The following ARHGAP24 variants were observed in gnomAD, a reference collection of about 807,000 sequenced individuals.
ARHGAP24 encodes Rho GTPase activating protein 24.
ARHGAP24 carries 50 observed loss-of-function variants against 76.4 expected under a neutral mutation model. The observed-to-expected ratio is 0.65, with a 90% CI of 0.52 to 0.83. The LOEUF is 0.83. ARHGAP24 is among the 40% of genes least tolerant of loss of function. The pLI, the probability that ARHGAP24 is intolerant of heterozygous loss-of-function variation, is 0.00. For missense variants in ARHGAP24, 930 were observed against 914.2 expected (o/e 1.02, Z -0.22); for synonymous variants, 345 against 323.3 (o/e 1.07, Z -0.72).
At chr4:85,879,888 G>A (rs994322625) in intron 3 of ARHGAP24, among the ~76,000 whole-genome samples, 5 of 151,982 alleles carry the variant, frequency 3.3e-5, no homozygotes, top group South Asian at 2.1e-4. Context: ...AACGGCTTCC[G>A]AGGCATTAGA....
chr4:85,857,588 G>C (rs1249014505), intron 3 of ARHGAP24, among the ~76,000 whole-genome samples: 1 of 152,020 alleles, frequency 6.6e-6, no homozygotes, highest in Non-Finnish European at 1.5e-5. Context: ...AGTTTTGGTG[G>C]TAGGGAAATT....
intron 2 of ARHGAP24, among the ~76,000 whole-genome samples, chr4:85,627,954 G>A (rs765938333): frequency 3.3e-5 from 5 of 152,238 alleles, no homozygotes; most frequent in Admixed American, 6.5e-5. Context: ...GGAGTGACCC[G>A]ATTTTCCAGG....
intron 3 of ARHGAP24, among the ~76,000 whole-genome samples, chr4:85,798,108 T>C (rs2110101702): frequency 6.6e-6 from 1 of 152,340 alleles, no homozygotes; most frequent in South Asian, 2.1e-4. Context: ...ACCTAGAATT[T>C]CTGTTAAAAC....
intron 2 of ARHGAP24, among the ~76,000 whole-genome samples, chr4:85,679,304 T>A (rs1034263231): frequency 1.3e-5 from 2 of 152,186 alleles, no homozygotes; most frequent in Non-Finnish European, 2.9e-5. Flanking sequence ...AAAGCTTGTT[T>A]GCATCTTTTG....
At chr4:85,583,826 A>C (rs1727719353) in intron 2 of ARHGAP24, among the ~76,000 whole-genome samples, 1 of 150,882 alleles carries the variant, frequency 6.6e-6, no homozygotes. Context: ...ATGCAGCCAA[A>C]AAACACATGA....
chr4:85,838,326 G>T (rs67579023), intron 3 of ARHGAP24, among the ~76,000 whole-genome samples: 1 of 152,054 alleles, frequency 6.6e-6, no homozygotes, highest in African/African-American at 2.4e-5. Flanking sequence ...AGCCGGGCAC[G>T]GTGGCTCACG....
At chr4:85,649,844 G>A (rs1416044835) in intron 2 of ARHGAP24, among the ~76,000 whole-genome samples, 1 of 152,064 alleles carries the variant, frequency 6.6e-6, no homozygotes, top group Non-Finnish European at 1.5e-5. Context: ...ATTTAATAAT[G>A]ATCTTGTATT....
chr4:85,623,401 A>C (rs898729711), intron 2 of ARHGAP24, among the ~76,000 whole-genome samples: 1 of 152,164 alleles, frequency 6.6e-6, no homozygotes, highest in Admixed American at 6.5e-5. Context: ...AAGATCAGAT[A>C]GTGGTAGATA....
rs115760849 is a variant in ARHGAP24 at position 85,786,225 on chromosome 4, C to G, written c.268+64253C>G. ...ATAGCAACTCTAGAATGTGTTTCCT[C>G]ATTAAGAACCTGCAGCCATACTGGC... On this transcript the variant is annotated intron_variant, in intron 3 of 9. Transcript: ENST00000395184. Among the ~76,000 whole-genome samples the G allele has an allele frequency of 8.2e-3, 1,243 of 152,304 alleles. 15 individuals are homozygous for G. Among genetic ancestry groups the G allele is most frequent in the African/African-American group, 0.027 (1,139 of 41,548 alleles).
chr4:85,954,159 A>G (rs1189233589), intron 5 of ARHGAP24, among the ~76,000 whole-genome samples: 1 of 152,244 alleles, frequency 6.6e-6, no homozygotes, highest in Non-Finnish European at 1.5e-5. Flanking sequence ...TGTTTAGGGC[A>G]GAAAAATCCA....
intron 2 of ARHGAP24, among the ~76,000 whole-genome samples, chr4:85,708,715 A>G (rs1180279341): frequency 1.3e-5 from 2 of 151,394 alleles, no homozygotes; most frequent in African/African-American, 4.9e-5. Context: ...CTTCCTGACA[A>G]CCCCACCAAG....
At chr4:85,515,369 ATC>A (rs1724455415) in intron 1 of ARHGAP24, among the ~76,000 whole-genome samples, 1 of 51,128 alleles carries the variant, frequency 2.0e-5, no homozygotes, top group Non-Finnish European at 3.8e-5. Flanking sequence ...TATGCAGGTA[ATC>A]TTTTTTTTTT....
intron 1 of ARHGAP24, among the ~76,000 whole-genome samples, chr4:85,556,063 G>A (rs1726348723): frequency 6.6e-6 from 1 of 152,102 alleles, no homozygotes; most frequent in South Asian, 2.1e-4. Context: ...CAGAGCAACT[G>A]CTACTGGGAA....
chr4:85,780,414 C>T (rs1364397036), intron 3 of ARHGAP24, among the ~76,000 whole-genome samples: 4 of 152,116 alleles, frequency 2.6e-5, no homozygotes, highest in African/African-American at 9.7e-5. Context: ...CCTCATGATC[C>T]ACCCACCTCG....
At chr4:85,992,648 C>T (rs1740404558) in intron 8 of ARHGAP24, among the ~76,000 whole-genome samples, 1 of 152,158 alleles carries the variant, frequency 6.6e-6, no homozygotes, top group African/African-American at 2.4e-5. Context: ...GCATTGAATA[C>T]ACAATGTCTT....
intron 3 of ARHGAP24, among the ~76,000 whole-genome samples, chr4:85,836,194 C>A (rs1212563048): frequency 6.6e-6 from 1 of 152,176 alleles, no homozygotes; most frequent in Admixed American, 6.5e-5. Flanking sequence ...TTTTGTGGTA[C>A]ACCAAACATT....
chr4:85,702,605 A>T (rs1276810871), intron 2 of ARHGAP24, among the ~76,000 whole-genome samples: 1 of 152,202 alleles, frequency 6.6e-6, no homozygotes, highest in African/African-American at 2.4e-5. Flanking sequence ...TCAATTTGAT[A>T]AACTTTTTTA....
At chr4:85,691,306 G>A (rs1723647453) in intron 2 of ARHGAP24, among the ~76,000 whole-genome samples, 2 of 152,116 alleles carry the variant, frequency 1.3e-5, no homozygotes, top group Admixed American at 1.3e-4. Flanking sequence ...ATGCAGATGA[G>A]AAGAATGTAT....
chr4:85,495,434 CTT>C (rs1353222775), intron 1 of ARHGAP24, among the ~76,000 whole-genome samples: 1 of 139,274 alleles, frequency 7.2e-6, no homozygotes, highest in Non-Finnish European at 1.5e-5. Context: ...CACTGCAAGC[CTT>C]GCCTCCCGGG....
Sources: gnomAD v4.1 joint callset for allele counts (sites outside exome capture counted in the v4.1 genomes callset) on GRCh38, gnomAD v4.1.1 for gene constraint, MANE v1.5 for transcripts, NCBI Gene and HGNC (gene_info 2026-07-23, HGNC 2026-07-21) for gene names.